FDX1: variants seen among roughly 807,000 people sequenced by gnomAD.
The protein encoded by FDX1 is adrenodoxin, mitochondrial.
FDX1 carries 9 observed loss-of-function variants against 14.9 expected under a neutral mutation model. That is an observed-to-expected ratio of 0.60 (90% CI 0.36 to 1.05). The LOEUF (loss-of-function observed/expected upper bound fraction) is 1.05, where lower values mean the gene tolerates loss of function less well. Ranked by LOEUF, FDX1 falls within the 50% of genes least tolerant of loss-of-function variation. The pLI is 0.01. For missense variants in FDX1, 204 were observed against 237.2 expected (o/e 0.86, Z 0.92); for synonymous variants, 92 against 99.4 (o/e 0.93, Z 0.44).
chr11:110,440,493 C>T (rs535252083), intron 2 of FDX1, among the ~76,000 whole-genome samples: 15 of 152,258 alleles, frequency 9.9e-5, no homozygotes, highest in African/African-American at 3.6e-4. Flanking sequence ...TTTTTGATTT[C>T]TGCCATATGG....
In FDX1 at chr11:110,445,418, C is replaced by T. The variant is rs185342790; in HGVS notation, c.310+9460C>T. 3.1e-4 allele frequency among the ~76,000 whole-genome samples: 47 copies of T among 151,420 alleles called. 1 individual carries two copies. The highest frequency in any genetic ancestry group is 2.4e-3 in the Admixed American group (37 of 15,224). On this transcript the variant is annotated intron_variant, in intron 2 of 3. Coordinates refer to ENST00000260270, the MANE Select transcript of FDX1 (RefSeq NM_004109.5). ...TATTACAGTACAGTTTTTTTTAAAC[C>T]GCAGGTGACAACTATTACAAGGTCA...
chr11:110,436,520 TTGACCGTTAGCATTAG>T (rs1946370630), intron 2 of FDX1, among the ~76,000 whole-genome samples: 1 of 152,150 alleles, frequency 6.6e-6, no homozygotes, highest in Non-Finnish European at 1.5e-5. Context: ...GAGGGTTTCC[TTGACCGTTAGCATTAG>T]TGTCACCTGG....
At chr11:110,453,658 C>A (rs1946501387) in intron 2 of FDX1, among the ~76,000 whole-genome samples, 1 of 151,460 alleles carries the variant, frequency 6.6e-6, no homozygotes, top group Non-Finnish European at 1.5e-5. Flanking sequence ...AATCTCAAAA[C>A]AAACTCTAGA....
chr11:110,458,766 C>T (rs760027193), intron 3 of FDX1, among the ~76,000 whole-genome samples: 3 of 152,036 alleles, frequency 2.0e-5, no homozygotes, highest in Admixed American at 6.5e-5. Flanking sequence ...TGCCACCATG[C>T]CCCGCTAATT....
intron 3 of FDX1, 150 bp from the exon 4 acceptor site, chr11:110,462,204 T>C: frequency 4.3e-6 from 2 of 465,114 alleles, no homozygotes; most frequent in Non-Finnish European, 7.8e-6. Context: ...GGGTTGGTTA[T>C]ATCTGTTTTG....
At chr11:110,433,728 C>T (rs1204970397) in intron 1 of FDX1, among the ~76,000 whole-genome samples, 7 of 121,938 alleles carry the variant, frequency 5.7e-5, no homozygotes, top group Non-Finnish European at 1.2e-4. Context: ...TTTTGAGGAA[C>T]ATTCTGGTAC....
intron 2 of FDX1, among the ~76,000 whole-genome samples, chr11:110,446,077 T>C (rs1182425245): frequency 2.0e-5 from 3 of 152,180 alleles, no homozygotes; most frequent in Non-Finnish European, 4.4e-5. Flanking sequence ...AGATCAAGTA[T>C]CCTGACATGT....
intron 2 of FDX1, among the ~76,000 whole-genome samples, chr11:110,448,169 T>C (rs1339606763): frequency 6.6e-6 from 1 of 152,184 alleles, no homozygotes; most frequent in Non-Finnish European, 1.5e-5. Flanking sequence ...TCAAGACATT[T>C]TTTTCTTCAA....
chr11:110,453,986 G>GT (rs988303984), intron 2 of FDX1, among the ~76,000 whole-genome samples: 2 of 152,114 alleles, frequency 1.3e-5, no homozygotes, highest in African/African-American at 2.4e-5. Context: ...TTGTTGGCAA[G>GT]TTTTTTTGGC....
chr11:110,460,877 T>C (rs1946552254), intron 3 of FDX1, among the ~76,000 whole-genome samples: 1 of 152,180 alleles, frequency 6.6e-6, no homozygotes, highest in Admixed American at 6.5e-5. Flanking sequence ...CTTTAGTGCA[T>C]CCCAATGCCC....
At position 110,459,598 on chromosome 11, in the gene FDX1, C is replaced by A. The variant is rs576386985; in HGVS notation, c.440+2551C>A. ...CTGCTTCTCTGAGTTGAAAACCAAA[C>A]CCTAGAACTAAAGTAAACCTAATAC... On this transcript the variant is annotated intron_variant, in intron 3 of 3. Coordinates refer to ENST00000260270, the MANE Select transcript of FDX1 (RefSeq NM_004109.5). 7.2e-5 allele frequency among the ~76,000 whole-genome samples: 11 copies of A among 152,324 alleles called. No homozygotes were observed. The East Asian group carries it at 1.7e-3, about 24-fold the overall frequency.
At chr11:110,455,744 C>T (rs1341147374) in intron 2 of FDX1, among the ~76,000 whole-genome samples, 1 of 152,186 alleles carries the variant, frequency 6.6e-6, no homozygotes, top group African/African-American at 2.4e-5. Flanking sequence ...GGATGCTCAG[C>T]TGGGAGAAGG....
At chr11:110,460,078 T>C (rs1946547198) in intron 3 of FDX1, among the ~76,000 whole-genome samples, 1 of 152,226 alleles carries the variant, frequency 6.6e-6, no homozygotes, top group Non-Finnish European at 1.5e-5. Flanking sequence ...ACAGACTCTC[T>C]AGAGCTCACT....
chr11:110,456,842 TAGA>T, intron 2 of FDX1, 73 bp from the exon 3 acceptor site: 1 of 1,470,682 alleles, frequency 6.8e-7, no homozygotes, highest in Non-Finnish European at 9.2e-7. Flanking sequence ...TTCTAACATT[TAGA>T]AGCCTTTACT....
At chr11:110,449,214 G>C (rs1024767592) in intron 2 of FDX1, among the ~76,000 whole-genome samples, 9 of 152,150 alleles carry the variant, frequency 5.9e-5, no homozygotes, top group Non-Finnish European at 1.3e-4. Flanking sequence ...TGAATTGTTA[G>C]CCAGTATGTA....
rs1386183773 is a variant in FDX1, at chr11:110,463,175, T to G, written c.*707T>G. 6.6e-6 allele frequency: 1 copy of G among 152,262 alleles called. No homozygotes were observed. Among genetic ancestry groups the G allele is most frequent in the Non-Finnish European group, 1.5e-5 (1 of 68,040 alleles). The allele number at this position is 152,262 out of a possible 1,614,324, so 9.4% of individuals were successfully genotyped here. A position where few individuals can be genotyped will look rare whatever the true frequency, so the allele number is the denominator to read the frequency against. ...ATGATTGGATGTGTTTATTCTTTTC[T>G]AAGCAGAATGGTTTAACTTTGTACT... On this transcript the variant is annotated 3_prime_UTR_variant, in exon 4 of 4. Transcript: ENST00000260270.
chr11:110,455,525 A>C (rs1946516405), intron 2 of FDX1, among the ~76,000 whole-genome samples: 2 of 152,188 alleles, frequency 1.3e-5, no homozygotes, highest in African/African-American at 4.8e-5. Context: ...AGTGGCTTTA[A>C]AAAAACTGTA....
intron 2 of FDX1, among the ~76,000 whole-genome samples, chr11:110,453,025 G>A (rs984272120): frequency 1.3e-5 from 2 of 152,186 alleles, no homozygotes; most frequent in Non-Finnish European, 2.9e-5. Context: ...GGTTACACAA[G>A]TCTATACATA....
chr11:110,444,698 A>G (rs1439245505), intron 2 of FDX1, among the ~76,000 whole-genome samples: 1 of 64,918 alleles, frequency 1.5e-5, no homozygotes, highest in South Asian at 4.5e-4. Flanking sequence ...GTATATATAT[A>G]TATATACGTA....
Sources: allele counts gnomAD v4.1 joint callset (sites outside exome capture counted in the v4.1 genomes callset), GRCh38; gene constraint gnomAD v4.1.1; transcripts MANE v1.5; gene names NCBI Gene and HGNC (gene_info 2026-07-23, HGNC 2026-07-21).